Variants in CACNA1D observed in about 807,000 individuals in gnomAD.
The protein encoded by CACNA1D is voltage-dependent L-type calcium channel subunit alpha-1D.
In CACNA1D, 55 loss-of-function variants were observed where a neutral mutation model predicts 257.1. The ratio of observed to expected loss-of-function variants is 0.21; its 90% CI spans 0.17 to 0.27. The LOEUF (loss-of-function observed/expected upper bound fraction) is 0.27. Ranked by LOEUF, CACNA1D falls within the 10% of genes least tolerant of loss-of-function variation. CACNA1D has a pLI of 1.00. For synonymous variants in CACNA1D, 980 were observed against 1,014.9 expected (o/e 0.97, Z 0.65); for missense variants, 1,876 against 2,784.0 (o/e 0.67, Z 7.34).
intron 3 of CACNA1D, among the ~76,000 whole-genome samples, chr3:53,552,906 A>G (rs1380879739): frequency 3.3e-5 from 5 of 152,204 alleles, no homozygotes; most frequent in Non-Finnish European, 7.3e-5. Context: ...GTGTATTCCC[A>G]CTGTACCTTC....
chr3:53,519,552 A>G (rs2091472225), intron 3 of CACNA1D, among the ~76,000 whole-genome samples: 1 of 152,134 alleles, frequency 6.6e-6, no homozygotes. Flanking sequence ...TGGCATTGGG[A>G]CCTGGAGGCA....
intron 3 of CACNA1D, among the ~76,000 whole-genome samples, chr3:53,586,597 AAC>A (rs1415077426): frequency 6.6e-6 from 1 of 152,198 alleles, no homozygotes; most frequent in East Asian, 1.9e-4. Flanking sequence ...TTCTAAAACT[AAC>A]AGTAACAACG....
intron 3 of CACNA1D, among the ~76,000 whole-genome samples, chr3:53,550,128 A>G (rs1251096965): frequency 6.6e-6 from 1 of 152,134 alleles, no homozygotes; most frequent in Admixed American, 6.5e-5. Flanking sequence ...CATGGAAAGG[A>G]CTGATGGGAG....
At chr3:53,557,089 T>C (rs1373332697) in intron 3 of CACNA1D, among the ~76,000 whole-genome samples, 2 of 152,228 alleles carry the variant, frequency 1.3e-5, no homozygotes, top group Non-Finnish European at 2.9e-5. Flanking sequence ...ACTTGGTTTT[T>C]CCTTTTATGA....
chr3:53,761,367 C>A (rs1266045009), intron 29 of CACNA1D, among the ~76,000 whole-genome samples: 1 of 152,232 alleles, frequency 6.6e-6, no homozygotes, highest in Admixed American at 6.5e-5. Context: ...GCCAGTGTCT[C>A]TGCCACGACG....
chr3:53,769,054 T>G (rs2095351308), intron 30 of CACNA1D, among the ~76,000 whole-genome samples: 1 of 152,262 alleles, frequency 6.6e-6, no homozygotes, highest in African/African-American at 2.4e-5. Context: ...AGATGCCTCC[T>G]GGTGCTGGCT....
At chr3:53,517,808 T>G (rs1364585741) in intron 3 of CACNA1D, among the ~76,000 whole-genome samples, 2 of 152,196 alleles carry the variant, frequency 1.3e-5, no homozygotes, top group Non-Finnish European at 2.9e-5. Context: ...AAAGGCCAGC[T>G]TCCTGACTGT....
At chr3:53,694,221 G>A (rs1025712486) in intron 8 of CACNA1D, among the ~76,000 whole-genome samples, 2 of 152,222 alleles carry the variant, frequency 1.3e-5, no homozygotes, top group African/African-American at 2.4e-5. Context: ...TGCCCAGCCC[G>A]TGGGGGCTCC....
At chr3:53,653,605 A>C (rs558256179) in intron 4 of CACNA1D, among the ~76,000 whole-genome samples, 1 of 152,302 alleles carries the variant, frequency 6.6e-6, no homozygotes, top group South Asian at 2.1e-4. Context: ...CTTAAACACT[A>C]TAGAAGGAAA....
intron 3 of CACNA1D, among the ~76,000 whole-genome samples, chr3:53,543,517 C>T (rs1444300642): frequency 6.6e-6 from 1 of 152,220 alleles, no homozygotes; most frequent in East Asian, 1.9e-4. Flanking sequence ...GTGTAAGACA[C>T]TCTGGCAGTA....
At chr3:53,644,359 A>G (rs966721623) in intron 3 of CACNA1D, among the ~76,000 whole-genome samples, 2 of 152,244 alleles carry the variant, frequency 1.3e-5, no homozygotes, top group African/African-American at 4.8e-5. Flanking sequence ...ATTTTCAAGT[A>G]TGCAATACAT....
chr3:53,601,023 G>A (rs2093435007), intron 3 of CACNA1D, among the ~76,000 whole-genome samples: 2 of 152,108 alleles, frequency 1.3e-5, no homozygotes, highest in Non-Finnish European at 2.9e-5. Context: ...TGTAAGTTTG[G>A]TGTTAGGAGA....
intron 15 of CACNA1D, among the ~76,000 whole-genome samples, chr3:53,730,044 T>C (rs891447358): frequency 6.7e-6 from 1 of 150,286 alleles, no homozygotes; most frequent in Non-Finnish European, 1.5e-5. Flanking sequence ...TTGTAGTATG[T>C]GTTTAAAAAA....
intron 3 of CACNA1D, among the ~76,000 whole-genome samples, chr3:53,572,390 A>G (rs1003874339): frequency 2.3e-4 from 35 of 150,174 alleles, no homozygotes; most frequent in South Asian, 1.9e-3. Flanking sequence ...TTATTTATTT[A>G]TTTATTTATT....
rs939635600 is a variant in CACNA1D at position 53,810,075 on chromosome 3, A to G, written c.5969A>G (p.Tyr1990Cys). 9 of 1,613,556 alleles carry G rather than the reference A, an allele frequency of 5.6e-6. No individual in the cohort carries two copies. The highest frequency in any genetic ancestry group is 7.6e-6 in the Non-Finnish European group (9 of 1,179,916). Residue 1990 changes from tyrosine (Y) to cysteine (C), a missense_variant, in exon 47 of 48, where the codon TAC (tyrosine) becomes TGC (cysteine). This residue lies in a region of CACNA1D where 491 missense variants were observed against 554.3 expected (regional missense o/e 0.89). Transcript: ENST00000350061. ...SWATPPATPP[Y>C]RDWTPCYTPL... ...GCCACCCCTCCAGCAACCCCTCCCT[A>G]CCGGGACTGGACACCGTGCTACACC...
intron 38 of CACNA1D, among the ~76,000 whole-genome samples, chr3:53,780,369 T>A (rs1172094445): frequency 6.6e-6 from 1 of 152,256 alleles, no homozygotes; most frequent in Non-Finnish European, 1.5e-5. Flanking sequence ...TGACTCATAC[T>A]ACTGCTTACT....
At position 53,673,883 on chromosome 3, in the gene CACNA1D, T is replaced by G; in HGVS notation, c.1220+757T>G. 1.0e-6 allele frequency: 1 copy of G among 964,960 alleles called. No homozygotes were observed. Among genetic ancestry groups the G allele is most frequent in the Non-Finnish European group, 1.7e-6 (1 of 587,636 alleles). The allele number at this position is 964,960 out of a possible 1,614,324, so 59.8% of individuals were successfully genotyped here. On this transcript the variant is annotated intron_variant, in intron 8 of 47. Transcript: ENST00000350061. This position sits in a 1 kb window ranked among gnomAD's most constrained non-coding sequence, Gnocchi z 4.1. ...GTGTGAGGCAACTCTGCGTGTCTCC[T>G]AGCTGCTCCCTGACAGCTTCTCTGC... is the stretch of plus-strand genomic sequence containing the variant.
At chr3:53,808,007 G>C (rs2095575535) in intron 45 of CACNA1D, 1 of 153,276 alleles carries the variant, frequency 6.5e-6, no homozygotes, top group African/African-American at 2.4e-5. Context: ...GTGACAGTGG[G>C]AAGTGTCGTG....
chr3:53,712,889 G>T (rs1180002776), intron 9 of CACNA1D, among the ~76,000 whole-genome samples: 1 of 152,228 alleles, frequency 6.6e-6, no homozygotes, highest in Admixed American at 6.5e-5. Flanking sequence ...AGACGAGGCT[G>T]GAGGGCTCTG....
Sources: gnomAD v4.1 joint callset for allele counts (sites outside exome capture counted in the v4.1 genomes callset) on GRCh38, gnomAD v4.1.1 for gene constraint, gnomAD v4.1.1 regional missense constraint, Gnocchi (gnomAD v3.1) non-coding constraint, MANE v1.5 for transcripts, NCBI Gene and HGNC (gene_info 2026-07-23, HGNC 2026-07-21) for gene names.